The following SPATA6 variants were observed in gnomAD, a reference collection of about 807,000 sequenced individuals.
SPATA6 encodes spermatogenesis associated 6, also known as spermatogenesis-associated protein 6.
SPATA6 carries 56 observed loss-of-function variants against 65.3 expected under a neutral mutation model. That is an observed-to-expected ratio of 0.86 (90% CI 0.69 to 1.07). The LOEUF is 1.07. SPATA6 is among the 50% of genes least tolerant of loss of function. SPATA6 has a pLI of 0.00. For missense variants in SPATA6, 590 were observed against 594.8 expected (o/e 0.99, Z 0.08); for synonymous variants, 199 against 213.2 (o/e 0.93, Z 0.58).
At chr1:48,422,027 C>CAT (rs1653389859) in intron 3 of SPATA6, among the ~76,000 whole-genome samples, 1 of 151,994 alleles carries the variant, frequency 6.6e-6, no homozygotes, top group Admixed American at 6.6e-5. Flanking sequence ...TCATAGAAAG[C>CAT]TGTAATGCTT....
chr1:48,275,293 A>G, the SPATA6 span, among the ~76,000 whole-genome samples: 4 of 152,198 alleles, frequency 2.6e-5, no homozygotes, highest in African/African-American at 7.2e-5. Flanking sequence ...AAAGAGAGAC[A>G]ATTTGACTTC....
At chr1:48,290,786 A>G (rs188236530), downstream of SPATA6, among the ~76,000 whole-genome samples, 1 of 152,386 alleles carries the variant, frequency 6.6e-6, no homozygotes, top group East Asian at 1.9e-4. Context: ...CAATTCAACA[A>G]GAAGAGCTAA....
intron 11 of SPATA6, among the ~76,000 whole-genome samples, chr1:48,341,937 G>C (rs1646226643): frequency 6.6e-6 from 1 of 152,194 alleles, no homozygotes; most frequent in East Asian, 1.9e-4. Flanking sequence ...ATCCCCTAAA[G>C]ATAAGGAGGA....
At chr1:48,323,396 C>T (rs569548261) in intron 11 of SPATA6, among the ~76,000 whole-genome samples, 6 of 148,858 alleles carry the variant, frequency 4.0e-5, no homozygotes, top group East Asian at 4.0e-4. Context: ...GGGAGGGGAA[C>T]ATCACACACC....
At chr1:48,471,839 C>T (rs1412199676) in intron 1 of SPATA6, 119 bp downstream of exon 1, 3 of 1,228,112 alleles carry the variant, frequency 2.4e-6, no homozygotes, top group African/African-American at 3.0e-5. Flanking sequence ...GTGAGGTCGA[C>T]GCTCCCTAGG....
chr1:48,368,352 A>G (rs1389364545), intron 9 of SPATA6, among the ~76,000 whole-genome samples: 1 of 152,142 alleles, frequency 6.6e-6, no homozygotes, highest in African/African-American at 2.4e-5. Context: ...GCCTTGCTAG[A>G]TTGGGGAATT....
chr1:48,342,117 A>G (rs1397839861), intron 11 of SPATA6, among the ~76,000 whole-genome samples: 1 of 152,214 alleles, frequency 6.6e-6, no homozygotes, highest in Non-Finnish European at 1.5e-5. Context: ...GGTAGGAAAT[A>G]CGTTCAGATT....
At chr1:48,292,588 G>A (rs1029327683), downstream of SPATA6, among the ~76,000 whole-genome samples, 1 of 152,236 alleles carries the variant, frequency 6.6e-6, no homozygotes, top group Admixed American at 6.5e-5. Flanking sequence ...TTTATGTGGT[G>A]GCAAGAGGTG....
intron 9 of SPATA6, among the ~76,000 whole-genome samples, chr1:48,378,999 A>G (rs1443364114): frequency 6.6e-6 from 1 of 152,232 alleles, no homozygotes; most frequent in Admixed American, 6.5e-5. Flanking sequence ...TAGGCACAGA[A>G]AGACAAATGT....
At chr1:48,425,985 T>C (rs555611723) in intron 3 of SPATA6, among the ~76,000 whole-genome samples, 5 of 152,124 alleles carry the variant, frequency 3.3e-5, no homozygotes, top group African/African-American at 1.2e-4. Context: ...TAAGTCAGAT[T>C]GTGTTAAAAA....
chr1:48,362,304 T>A (rs143054762), intron 9 of SPATA6, among the ~76,000 whole-genome samples: 1 of 152,132 alleles, frequency 6.6e-6, no homozygotes, highest in Non-Finnish European at 1.5e-5. Context: ...GGAGAAGGTG[T>A]CACACTGTTG....
At chr1:48,284,111 G>C in the SPATA6 span, among the ~76,000 whole-genome samples, 1 of 151,770 alleles carries the variant, frequency 6.6e-6, no homozygotes, top group Non-Finnish European at 1.5e-5. Flanking sequence ...CATATTTCTT[G>C]GTGGCTTTGT....
chr1:48,334,135 T>A (rs1368443728), intron 11 of SPATA6, among the ~76,000 whole-genome samples: 3 of 151,976 alleles, frequency 2.0e-5, no homozygotes, highest in Non-Finnish European at 1.5e-5. Context: ...GAATCAGCAA[T>A]CGATAGCCGA....
At chr1:48,429,004 C>A (rs1654152186) in intron 3 of SPATA6, among the ~76,000 whole-genome samples, 1 of 151,636 alleles carries the variant, frequency 6.6e-6, no homozygotes, top group Non-Finnish European at 1.5e-5. Flanking sequence ...CAACTATAAA[C>A]CGTGATCAAT....
chr1:48,439,108 C>T (rs1465830581), intron 3 of SPATA6, among the ~76,000 whole-genome samples: 1 of 152,058 alleles, frequency 6.6e-6, no homozygotes, highest in Non-Finnish European at 1.5e-5. Context: ...CTTTATAAGA[C>T]AGGAGAAAGG....
chr1:48,309,975 GT>G (rs1467877077), intron 11 of SPATA6, among the ~76,000 whole-genome samples: 3 of 152,166 alleles, frequency 2.0e-5, no homozygotes, highest in South Asian at 2.1e-4. Flanking sequence ...GGGCCTTCTT[GT>G]CTTTTCTAAT....
At chr1:48,403,267 T>C (rs549196680) in intron 6 of SPATA6, among the ~76,000 whole-genome samples, 1 of 152,238 alleles carries the variant, frequency 6.6e-6, no homozygotes, top group African/African-American at 2.4e-5. Flanking sequence ...AGATGATCCT[T>C]AGGCTGGAAT....
chr1:48,434,539 T>C (rs1276341914), intron 3 of SPATA6, among the ~76,000 whole-genome samples: 2 of 152,196 alleles, frequency 1.3e-5, no homozygotes, highest in Non-Finnish European at 1.5e-5. Context: ...TGCTGTTTTA[T>C]ATATGTTGGT....
chr1:48,419,749 T>C (rs915929884), intron 3 of SPATA6, among the ~76,000 whole-genome samples: 3 of 152,184 alleles, frequency 2.0e-5, no homozygotes, highest in Non-Finnish European at 2.9e-5. Context: ...CTCTTCATCT[T>C]AAGAATACTA....
Sources: gnomAD v4.1 joint callset for allele counts (sites outside exome capture counted in the v4.1 genomes callset) on GRCh38, gnomAD v4.1.1 for gene constraint, MANE v1.5 for transcripts, NCBI Gene and HGNC (gene_info 2026-07-23, HGNC 2026-07-21) for gene names.